Variants in RBCK1 observed in about 807,000 individuals in gnomAD.
RBCK1 encodes ranBP-type and C3HC4-type zinc finger-containing protein 1.
In RBCK1, 44 loss-of-function variants were observed where a neutral mutation model predicts 71.1. The observed-to-expected ratio is 0.62, with a 90% CI of 0.49 to 0.80. The LOEUF (loss-of-function observed/expected upper bound fraction) is 0.80. RBCK1 is among the 30% of genes least tolerant of loss of function. RBCK1 has a pLI of 0.00. For missense variants in RBCK1, 569 were observed against 685.0 expected (o/e 0.83, Z 1.89); for synonymous variants, 306 against 279.7 (o/e 1.09, Z -0.94).
Position 431,848 on chromosome 20 carries a change from G to A in RBCK1, c.*1418G>A, listed in dbSNP as rs1283583807. On this transcript the variant is annotated 3_prime_UTR_variant, in exon 12 of 12. Coordinates refer to ENST00000356286, the MANE Select transcript of RBCK1 (RefSeq NM_031229.4). This position sits in a 1 kb window ranked among gnomAD's most constrained non-coding sequence, Gnocchi z 4.8. ...GCAGAAAGGCCCAGGCAGAACCACT[G>A]ACTGGGAGGAAACAGAAAAAGCAGA... Among the ~76,000 whole-genome samples, 1 of 152,220 alleles carries A rather than the reference G, an allele frequency of 6.6e-6. No individual in the cohort carries two copies. The highest frequency in any genetic ancestry group is 1.5e-5 in the Non-Finnish European group (1 of 68,038).
intron 6 of RBCK1, chr20:420,444 A>G (rs2016319809): frequency 1.0e-6 from 1 of 969,120 alleles, no homozygotes; most frequent in Non-Finnish European, 1.2e-6. Flanking sequence ...CGGCTTCGTC[A>G]CTTCCCCACC....
At chr20:409,745 T>C (rs1006991492) in intron 1 of RBCK1, 136 bp from the exon 2 acceptor site, 2 of 1,353,490 alleles carry the variant, frequency 1.5e-6, no homozygotes, top group African/African-American at 2.9e-5. Flanking sequence ...GTCTGGGTGC[T>C]GAAGGATACG....
chr20:412,636 T>C (rs1263606467), intron 2 of RBCK1, among the ~76,000 whole-genome samples: 1 of 152,214 alleles, frequency 6.6e-6, no homozygotes, highest in Non-Finnish European at 1.5e-5. Context: ...TGTTTTTATA[T>C]TGAGTTGTAG....
In RBCK1 at chr20:418,657, C is replaced by T. The variant is rs191104521; in HGVS notation, c.461-690C>T. ...TGCTGGGATTACAGGCGTGAGCCAC[C>T]ACGCCCAACCCACATTTGCTTTCTT... On this transcript the variant is annotated intron_variant, in intron 4 of 11. Coordinates refer to ENST00000356286, the MANE Select transcript of RBCK1 (RefSeq NM_031229.4). Among the ~76,000 whole-genome samples, 123 of 152,348 alleles carry T rather than the reference C, an allele frequency of 8.1e-4. 1 individual carries two copies. The South Asian group carries it at 8.3e-3, about 10-fold the overall frequency.
At chr20:419,811 T>A in intron 6 of RBCK1, 80 bp downstream of exon 6, 9 of 1,469,526 alleles carry the variant, frequency 6.1e-6, no homozygotes, top group Non-Finnish European at 8.1e-6. Context: ...ACCTGCGCAC[T>A]GCCGCGCCTC....
intron 2 of RBCK1, among the ~76,000 whole-genome samples, chr20:412,154 T>C (rs2015747449): frequency 6.6e-6 from 1 of 152,216 alleles, no homozygotes; most frequent in Middle Eastern, 3.2e-3. Context: ...TTGTTGTTTA[T>C]CTTTTTGATT....
chr20:413,212 C>G (rs1384080278), intron 2 of RBCK1, among the ~76,000 whole-genome samples: 1 of 152,090 alleles, frequency 6.6e-6, no homozygotes, highest in Admixed American at 6.6e-5. Flanking sequence ...TCAGGAAATA[C>G]AAGTTCTCCA....
At position 413,727 on chromosome 20, in the gene RBCK1, A is replaced by C. The variant is rs182651308; in HGVS notation, c.167+3702A>C. ...TTTTGAGAGGCTCTGGGCAACCGGC[A>C]CCTCTCAGACCTGCTGTTGGGTTCT... On this transcript the variant is annotated intron_variant, in intron 2 of 11. Transcript: ENST00000356286. 9.5e-4 allele frequency among the ~76,000 whole-genome samples: 145 copies of C among 152,132 alleles called. No individual in the cohort carries two copies. The Middle Eastern group carries it at 0.024, about 25-fold the overall frequency.
At position 428,909 on chromosome 20, in the gene RBCK1, T is replaced by G; in HGVS notation, c.1309-42T>G. The G allele has an allele frequency of 6.4e-7, 1 of 1,563,922 alleles. No homozygotes were observed. The highest frequency in any genetic ancestry group is 8.6e-7 in the Non-Finnish European group (1 of 1,160,642). ...ATGGGGAGGGGCCAGGCTGGGTGAC[T>G]GCCCCAGCCCCGCCCCAGGGCCAGC... On this transcript the variant is annotated intron_variant, in intron 10 of 11. Coordinates refer to ENST00000356286, the MANE Select transcript of RBCK1 (RefSeq NM_031229.4). This position sits in a 1 kb window ranked among gnomAD's most constrained non-coding sequence, Gnocchi z 5.7.
At chr20:426,816 C>CTTTTTTTTTT (rs768525416) in intron 8 of RBCK1, among the ~76,000 whole-genome samples, 2 of 95,476 alleles carry the variant, frequency 2.1e-5, no homozygotes, top group African/African-American at 1.1e-4. Flanking sequence ...TTTTCTTTTC[C>CTTTTTTTTTT]TTTTTTTTTT....
chr20:409,461 TCTGA>T (rs2015565015), intron 1 of RBCK1, among the ~76,000 whole-genome samples: 1 of 148,960 alleles, frequency 6.7e-6, no homozygotes, highest in African/African-American at 2.5e-5. Context: ...AGGATCGCAA[TCTGA>T]CTTTTTTTTT....
At chr20:409,264 C>G (rs1016941510) in intron 1 of RBCK1, among the ~76,000 whole-genome samples, 8 of 152,204 alleles carry the variant, frequency 5.3e-5, no homozygotes, top group Non-Finnish European at 8.8e-5. Context: ...TGGAGCCCCA[C>G]TGGCTTCCTT....
At position 408,763 on chromosome 20, in the gene RBCK1, C is replaced by G. The variant is rs1157174574; in HGVS notation, c.6C>G (p.Asp2Glu). MDEKTKKAEEMA... is the reference protein window; with the variant it reads MEEKTKKAEEMA... ...GATGGGCACAGCCACGCCAGATGGACGAGAAGACCAAGAAAGGTGGGCACA... is the reference window on the plus strand; with the variant it reads ...GATGGGCACAGCCACGCCAGATGGAGGAGAAGACCAAGAAAGGTGGGCACA... The change falls in exon 1 of 12, where the codon GAC (aspartate) becomes GAG (glutamate). Residue 2 changes from aspartate to glutamate, a missense_variant. This residue lies in a region of RBCK1 where 358 missense variants were observed against 375.6 expected (regional missense o/e 0.95). Coordinates refer to ENST00000356286, the MANE Select transcript of RBCK1 (RefSeq NM_031229.4). The G allele has an allele frequency of 1.2e-6, 2 of 1,612,226 alleles. No individual in the cohort carries two copies. The highest frequency in any genetic ancestry group is 1.7e-6 in the Non-Finnish European group (2 of 1,179,436).
chr20:417,479 T>C lies in RBCK1; in HGVS notation c.168-47T>C, dbSNP rs1346797258. Reference sequence around the variant, plus strand: ...CATGTCTGTAGCCGGTGGCTGAGGCTGGACCCCTGGCCAGAGCCCATGCTG... The same window carrying C: ...CATGTCTGTAGCCGGTGGCTGAGGCCGGACCCCTGGCCAGAGCCCATGCTG... On this transcript the variant is annotated intron_variant, in intron 2 of 11. Transcript: ENST00000356286. This position sits in a 1 kb window ranked among gnomAD's most constrained non-coding sequence, Gnocchi z 4.7. 1 of 1,575,312 alleles carries C rather than the reference T, an allele frequency of 6.3e-7. No individual in the cohort carries two copies.
At position 428,500 on chromosome 20, in the gene RBCK1, G is replaced by T; in HGVS notation, c.1219G>T (p.Glu407Ter). ...CCCTCACCCGCTACAGGCCATCCAT[G>T]AGCAGATGAACTGCAAGGAGTATCA... The part of the protein sequence containing the change: ...VNCLLCKAIH[E>*]QMNCKEYQED... The change falls in exon 10 of 12, where the codon GAG (glutamate) becomes TAG (stop). Residue 407 changes from glutamate (E) to a stop codon, truncating the protein, a stop_gained. Transcript: ENST00000356286. LOFTEE classifies it high-confidence loss of function. This position sits in a 1 kb window ranked among gnomAD's most constrained non-coding sequence, Gnocchi z 5.7. 1 of 1,608,038 alleles carries T rather than the reference G, an allele frequency of 6.2e-7. No homozygotes were observed. The highest frequency in any genetic ancestry group is 1.1e-5 in the South Asian group (1 of 89,648).
In RBCK1 at chr20:428,214, T is replaced by C. The variant is rs2016836129; in HGVS notation, c.1210-277T>C. ...AGGGATTTCTGTGCCCATCAGAACT[T>C]AAATAAGCTGGGTGTGGCAGCACAT... On this transcript the variant is annotated intron_variant, in intron 9 of 11. Transcript: ENST00000356286. This position sits in a 1 kb window ranked among gnomAD's most constrained non-coding sequence, Gnocchi z 5.7. 6.6e-6 allele frequency among the ~76,000 whole-genome samples: 1 copy of C among 152,152 alleles called. No homozygotes were observed. The highest frequency in any genetic ancestry group is 2.4e-5 in the African/African-American group (1 of 41,442).
chr20:408,757 G>A lies in RBCK1; in HGVS notation c.-1G>A, dbSNP rs2015521183. ...CAGGGGGATGGGCACAGCCACGCCAGATGGACGAGAAGACCAAGAAAGGTG... is the reference window on the plus strand; with the variant it reads ...CAGGGGGATGGGCACAGCCACGCCAAATGGACGAGAAGACCAAGAAAGGTG... On this transcript the variant is annotated 5_prime_UTR_variant, in exon 1 of 12. Transcript: ENST00000356286. 6.2e-7 allele frequency: 1 copy of A among 1,612,576 alleles called. No homozygotes were observed. Among genetic ancestry groups the A allele is most frequent in the African/African-American group, 1.3e-5 (1 of 74,928 alleles).
intron 7 of RBCK1, 127 bp downstream of exon 7, chr20:421,158 G>T: frequency 1.7e-6 from 2 of 1,199,480 alleles, no homozygotes; most frequent in Admixed American, 2.8e-5. Context: ...TACGAGGTAG[G>T]CTCCGTCTCC....
chr20:419,807 G>A (rs1410944116), intron 6 of RBCK1, 76 bp downstream of exon 6: 5 of 1,474,524 alleles, frequency 3.4e-6, no homozygotes, highest in Non-Finnish European at 3.6e-6. Flanking sequence ...AGACACCTGC[G>A]CACTGCCGCG....
Sources: gnomAD v4.1 joint callset for allele counts (sites outside exome capture counted in the v4.1 genomes callset) on GRCh38, gnomAD v4.1.1 for gene constraint, gnomAD v4.1.1 regional missense constraint, Gnocchi (gnomAD v3.1) non-coding constraint, MANE v1.5 for transcripts, NCBI Gene and HGNC (gene_info 2026-07-23, HGNC 2026-07-21) for gene names.